MGAT5: variants seen among roughly 807,000 people sequenced by gnomAD.
MGAT5 encodes alpha-1,6-mannosylglycoprotein 6-beta-N-acetylglucosaminyltransferase, also known as alpha-1,6-mannosylglycoprotein 6-beta-N-acetylglucosaminyltransferase A.
In MGAT5, 30 loss-of-function variants were observed where a neutral mutation model predicts 94.3. The ratio of observed to expected loss-of-function variants is 0.32; its 90% CI spans 0.24 to 0.43. The LOEUF is 0.43. MGAT5 is among the 20% of genes least tolerant of loss of function. The probability of loss-of-function intolerance (pLI) is 1.00; values close to 1 mark genes in which losing one functional copy is unlikely to be tolerated. For synonymous variants in MGAT5, 310 were observed against 322.9 expected (o/e 0.96, Z 0.43); for missense variants, 691 against 905.5 (o/e 0.76, Z 3.04).
intron 2 of MGAT5, among the ~76,000 whole-genome samples, chr2:134,291,707 C>A (rs1229289805): frequency 1.3e-5 from 2 of 152,150 alleles, no homozygotes; most frequent in African/African-American, 2.4e-5. Flanking sequence ...AGGTTGAGAG[C>A]CCTGTAAGGC....
intron 7 of MGAT5, 42 bp from the exon 8 acceptor site, chr2:134,344,888 A>AT (rs774200899): frequency 1.2e-6 from 2 of 1,601,536 alleles, no homozygotes; most frequent in Non-Finnish European, 1.7e-6. Flanking sequence ...TAAGTAAATG[A>AT]TTTTTCTCTT....
chr2:134,343,385 C>T (rs1045813236), intron 7 of MGAT5, among the ~76,000 whole-genome samples: 3 of 152,020 alleles, frequency 2.0e-5, no homozygotes, highest in African/African-American at 7.2e-5. Context: ...GTTTAAAGTC[C>T]CAGTTTTCAG....
chr2:134,234,711 A>C (rs1236147144), intron 1 of MGAT5, among the ~76,000 whole-genome samples: 1 of 152,258 alleles, frequency 6.6e-6, no homozygotes, highest in Non-Finnish European at 1.5e-5. Context: ...TGAGGGCTGG[A>C]AGCCAGTGCT....
At chr2:134,360,175 C>T (rs1045303924) in intron 9 of MGAT5, among the ~76,000 whole-genome samples, 2 of 152,102 alleles carry the variant, frequency 1.3e-5, no homozygotes, top group African/African-American at 4.8e-5. Context: ...TGGATGAAAA[C>T]GTAGAAGAGA....
chr2:134,289,282 T>C (rs1233192042), intron 2 of MGAT5, among the ~76,000 whole-genome samples: 2 of 152,176 alleles, frequency 1.3e-5, no homozygotes, highest in East Asian at 3.9e-4. Flanking sequence ...AGGCAACCAT[T>C]GCTGGGCTGC....
In MGAT5 at chr2:134,266,779, T is replaced by A. The variant is rs539650478; in HGVS notation, c.242-3607T>A. On this transcript the variant is annotated intron_variant, in intron 1 of 15. Transcript: ENST00000281923. Reference sequence around the variant, plus strand: ...TGTTTTTTATTAACAACATCCTTAATCTTGGGTTGGCTGCTTTGAAATGGT... The same window carrying A: ...TGTTTTTTATTAACAACATCCTTAAACTTGGGTTGGCTGCTTTGAAATGGT... 4.0e-3 allele frequency among the ~76,000 whole-genome samples: 608 copies of A among 152,212 alleles called. 4 individuals carry two copies. Among genetic ancestry groups the A allele is most frequent in the Non-Finnish European group, 6.4e-3 (433 of 68,040 alleles).
chr2:134,139,201 A>C (rs1378256511), intron 1 of MGAT5, among the ~76,000 whole-genome samples: 1 of 152,202 alleles, frequency 6.6e-6, no homozygotes, highest in Non-Finnish European at 1.5e-5. Flanking sequence ...ATGGTTTTCC[A>C]TTGTTTGTTT....
chr2:134,390,658 T>C (rs893624769), intron 10 of MGAT5, among the ~76,000 whole-genome samples: 5 of 152,264 alleles, frequency 3.3e-5, no homozygotes, highest in Non-Finnish European at 7.3e-5. Context: ...TCTACTGTTA[T>C]TTTCATGGAG....
At chr2:134,272,713 G>T (rs1325688329) in intron 2 of MGAT5, among the ~76,000 whole-genome samples, 1 of 152,218 alleles carries the variant, frequency 6.6e-6, no homozygotes. Context: ...CACAGGTTTT[G>T]TTGAGTTTAA....
At chr2:134,250,874 G>A (rs1682549781), upstream of MGAT5, among the ~76,000 whole-genome samples, 1 of 152,124 alleles carries the variant, frequency 6.6e-6, no homozygotes, top group South Asian at 2.1e-4. Flanking sequence ...TACACCATCT[G>A]GATGTGTCTG....
intron 1 of MGAT5, among the ~76,000 whole-genome samples, chr2:134,190,835 G>T (rs965477366): frequency 1.3e-5 from 2 of 152,092 alleles, no homozygotes; most frequent in Admixed American, 1.3e-4. Flanking sequence ...TTTTAATAGA[G>T]ATGGGGTTTT....
intron 9 of MGAT5, among the ~76,000 whole-genome samples, chr2:134,357,758 CCT>C (rs1679834995): frequency 1.3e-5 from 2 of 151,876 alleles, no homozygotes; most frequent in African/African-American, 4.8e-5. Context: ...AAAATTTTAC[CCT>C]GAGGTGCCTT....
intron 1 of MGAT5, among the ~76,000 whole-genome samples, chr2:134,150,473 A>G (rs1687122583): frequency 6.6e-6 from 1 of 152,180 alleles, no homozygotes; most frequent in Non-Finnish European, 1.5e-5. Context: ...AGGAGATATT[A>G]TTAATAATTG....
intron 1 of MGAT5, among the ~76,000 whole-genome samples, chr2:134,126,227 G>A (rs1685833885): frequency 6.6e-6 from 1 of 152,158 alleles, no homozygotes; most frequent in South Asian, 2.1e-4. Context: ...ATAGTCACTG[G>A]CTACCCAAGG....
rs368978167 is a variant in MGAT5, at chr2:134,444,130, TGATAG to T, written c.2027+2217_2027+2221del. Among the ~76,000 whole-genome samples, 60 of 152,132 alleles carry T rather than the reference TGATAG, an allele frequency of 3.9e-4. No homozygotes were observed. In the East Asian group the frequency reaches 0.011, roughly 27 times the overall value. ...ATCTGTAAAATGGGGATATCCTAGG[TGATAG>T]GTAAGATAATGAACAGCCCTTGCCA... On this transcript the variant is annotated intron_variant, in intron 15 of 15. Transcript: ENST00000281923.
intron 1 of MGAT5, among the ~76,000 whole-genome samples, chr2:134,255,734 A>G (rs1260577417): frequency 6.6e-6 from 1 of 152,096 alleles, no homozygotes; most frequent in Non-Finnish European, 1.5e-5. Flanking sequence ...GAATGGGGTT[A>G]GGTGAGGTGG....
chr2:134,445,306 G>A (rs1219214919), intron 15 of MGAT5, among the ~76,000 whole-genome samples: 1 of 152,124 alleles, frequency 6.6e-6, no homozygotes, highest in Non-Finnish European at 1.5e-5. Context: ...TTTGGTAGAA[G>A]GTTCTGATTT....
chr2:134,381,364 T>TAGATAGATAGATAGATAAGATA (rs150819045), intron 10 of MGAT5, among the ~76,000 whole-genome samples: 122 of 95,610 alleles, frequency 1.3e-3, no homozygotes, highest in African/African-American at 4.3e-3. Flanking sequence ...GATAGATAGA[T>TAGATAGATAGATAGATAAGATA]AGATAAGATA....
intron 1 of MGAT5, among the ~76,000 whole-genome samples, chr2:134,198,733 A>G (rs960314532): frequency 9.2e-5 from 14 of 152,092 alleles, no homozygotes; most frequent in African/African-American, 3.4e-4. Flanking sequence ...TTTTAAGCAA[A>G]CACCTTCTCA....
Sources: allele counts gnomAD v4.1 joint callset (sites outside exome capture counted in the v4.1 genomes callset), GRCh38; gene constraint gnomAD v4.1.1; transcripts MANE v1.5; gene names NCBI Gene and HGNC (gene_info 2026-07-23, HGNC 2026-07-21).